Variants in ATP6V1E2 observed in about 807,000 individuals in gnomAD.
ATP6V1E2 encodes the protein V-type proton ATPase subunit E 2.
For synonymous variants in ATP6V1E2, 121 were observed against 104.2 expected, an observed-to-expected ratio of 1.16 and a Z score of -0.98; for missense variants, 308 against 273.3, an observed-to-expected ratio of 1.13 and a Z score of -0.90.
At chr2:46,537,287 T>C (rs1350891419) in intron 2 of ATP6V1E2, 1 of 152,214 alleles carries the variant, frequency 6.6e-6, no homozygotes, top group Non-Finnish European at 1.5e-5. Context: ...CCAATTAGGA[T>C]AGTCCCAACT....
chr2:46,523,427 G>A (rs1363316385), intron 4 of ATP6V1E2, among the ~76,000 whole-genome samples: 1 of 152,154 alleles, frequency 6.6e-6, no homozygotes, highest in East Asian at 1.9e-4. Context: ...GTGTAAGGAA[G>A]GGGTCCAGTT....
chr2:46,541,218 T>C (rs1667748125), intron 2 of ATP6V1E2, among the ~76,000 whole-genome samples, 172 bp downstream of exon 2: 1 of 152,228 alleles, frequency 6.6e-6, no homozygotes, highest in Non-Finnish European at 1.5e-5. Flanking sequence ...AACCAGGAAC[T>C]GACCTTAAGG....
chr2:46,531,619 G>T (rs1020809241), intron 4 of ATP6V1E2, among the ~76,000 whole-genome samples: 4 of 152,176 alleles, frequency 2.6e-5, no homozygotes, highest in African/African-American at 9.7e-5. Context: ...TTTTCCAGAG[G>T]TTGAACCATT....
At chr2:46,516,594 T>TA (rs1558656450) in intron 4 of ATP6V1E2, among the ~76,000 whole-genome samples, 1 of 152,068 alleles carries the variant, frequency 6.6e-6, no homozygotes, top group Non-Finnish European at 1.5e-5. Context: ...ACCCTATCTC[T>TA]AAAAAAAATT....
In ATP6V1E2 at chr2:46,535,080, C is replaced by T. The variant is rs1667380560; in HGVS notation, c.-102+733G>A. ...ACCACTATGCTCTGCTTGGGTTCCCCCTCATTGTGCTGCAATTTAGACAGC... is the reference window on the plus strand; with the variant it reads ...ACCACTATGCTCTGCTTGGGTTCCCTCTCATTGTGCTGCAATTTAGACAGC... On this transcript the variant is annotated intron_variant, in intron 4 of 4. Transcript: ENST00000522587. The surrounding 1 kb of genome is among the most constrained non-coding windows in gnomAD (Gnocchi z 4.4). 6.6e-6 allele frequency: 1 copy of T among 152,208 alleles called. No individual in the cohort carries two copies. The highest frequency in any genetic ancestry group is 2.4e-5 in the African/African-American group (1 of 41,442). The allele number at this position is 152,208 out of a possible 1,614,324, so 9.4% of individuals were successfully genotyped here.
chr2:46,540,406 G>C (rs1476504597), intron 2 of ATP6V1E2, among the ~76,000 whole-genome samples: 1 of 136,982 alleles, frequency 7.3e-6, no homozygotes, highest in Non-Finnish European at 1.5e-5. Context: ...GAGCGACAGA[G>C]TGACAGAGAG....
intron 4 of ATP6V1E2, among the ~76,000 whole-genome samples, chr2:46,533,373 A>G (rs1667284992): frequency 6.6e-6 from 1 of 152,078 alleles, no homozygotes; most frequent in African/African-American, 2.4e-5. Flanking sequence ...CCTGGGCTCA[A>G]GTGATCTTTC....
At position 46,511,974 on chromosome 2, in the gene ATP6V1E2, A is replaced by G; in HGVS notation, c.*57T>C. The G allele has an allele frequency of 7.4e-6, 11 of 1,493,832 alleles. No homozygotes were observed. The highest frequency in any genetic ancestry group is 9.8e-6 in the Non-Finnish European group (11 of 1,118,066). 92.5% of individuals were successfully genotyped at this position (1,493,832 alleles called of 1,614,324 possible). On this transcript the variant is annotated 3_prime_UTR_variant, in exon 5 of 5. Transcript: ENST00000522587. The stretch of plus-strand genomic sequence containing the variant: ...GAAACACTACTAGTTTCCTTTCCCC[A>G]AAAAACTTAAACTTTTATGGTTTAG...
At chr2:46,513,057 G>C (rs895339303) in intron 4 of ATP6V1E2, among the ~76,000 whole-genome samples, 2 of 152,168 alleles carry the variant, frequency 1.3e-5, no homozygotes, top group African/African-American at 4.8e-5. Context: ...ACCTAGTCCA[G>C]AAGTTCTCTA....
rs186431407 is a variant in ATP6V1E2, at chr2:46,514,022, G to A, written c.-101-1210C>T. 3.3e-5 allele frequency among the ~76,000 whole-genome samples: 5 copies of A among 152,218 alleles called. No homozygotes were observed. In the East Asian group the frequency reaches 9.7e-4, roughly 30 times the overall value. On this transcript the variant is annotated intron_variant, in intron 4 of 4. Transcript: ENST00000522587. ...GCTTTTAGTGTGGTGACTCATGCCT[G>A]TAATCCCAGCACTTTGGGAGGCCGA...
At chr2:46,518,953 T>C (rs1426402892) in intron 4 of ATP6V1E2, 1 of 152,232 alleles carries the variant, frequency 6.6e-6, no homozygotes, top group Admixed American at 6.5e-5. Context: ...ACCAGTCCCC[T>C]GCCAGGGGCC....
Position 46,512,168 on chromosome 2 carries a change from C to T in ATP6V1E2, c.544G>A (p.Glu182Lys). ...ATTCTCTGATTGCCACTGTAGACCT[C>T]CACACCTCCAGCTGCATTCACAGCC... The part of the protein sequence containing the change: ...YLAVNAAGGV[E>K]VYSGNQRIKV... The change falls in exon 5 of 5, where the codon GAG becomes AAG. Residue 182 changes from glutamate to lysine, a missense_variant. By Grantham distance (56) the Glu-to-Lys change is moderately conservative. Coordinates refer to ENST00000522587, the MANE Select transcript of ATP6V1E2 (RefSeq NM_001318063.2). The T allele has an allele frequency of 9.9e-6, 16 of 1,614,220 alleles. No individual in the cohort carries two copies. Among genetic ancestry groups the T allele is most frequent in the Non-Finnish European group, 1.4e-5 (16 of 1,180,032 alleles).
intron 4 of ATP6V1E2, among the ~76,000 whole-genome samples, chr2:46,527,069 CTTTCT>C (rs1384777336): frequency 6.6e-6 from 1 of 151,712 alleles, no homozygotes; most frequent in Non-Finnish European, 1.5e-5. Context: ...TGTTTTTTTT[CTTTCT>C]TTTGTGTCTT....
chr2:46,519,288 G>C (rs1046100697), intron 4 of ATP6V1E2: 1 of 152,186 alleles, frequency 6.6e-6, no homozygotes, highest in Non-Finnish European at 1.5e-5. Context: ...CAGCCAGTTT[G>C]CTAATTTACT....
At chr2:46,536,355 G>GT (rs1323623973) in intron 3 of ATP6V1E2, among the ~76,000 whole-genome samples, 4 of 152,218 alleles carry the variant, frequency 2.6e-5, no homozygotes, top group South Asian at 4.1e-4. Flanking sequence ...TTGCTGTGGT[G>GT]TTTAACTCAT....
rs1667151542 is a variant in ATP6V1E2, at chr2:46,530,913, C to A, written c.-102+4900G>T. Among the ~76,000 whole-genome samples, 1 of 152,236 alleles carries A rather than the reference C, an allele frequency of 6.6e-6. No homozygotes were observed. Among genetic ancestry groups the A allele is most frequent in the Non-Finnish European group, 1.5e-5 (1 of 68,040 alleles). ...AAGCCCATGATTCAGTTACTTCCCACCGGGCCCCTCCCGTGGCACGTGGGA... is the reference window on the plus strand; with the variant it reads ...AAGCCCATGATTCAGTTACTTCCCAACGGGCCCCTCCCGTGGCACGTGGGA... On this transcript the variant is annotated intron_variant, in intron 4 of 4. Coordinates refer to ENST00000522587, the MANE Select transcript of ATP6V1E2 (RefSeq NM_001318063.2). The surrounding 1 kb of genome is among the most constrained non-coding windows in gnomAD (Gnocchi z 5.2).
At chr2:46,524,702 T>C (rs1251808763) in intron 4 of ATP6V1E2, among the ~76,000 whole-genome samples, 3 of 151,972 alleles carry the variant, frequency 2.0e-5, no homozygotes, top group Non-Finnish European at 4.4e-5. Context: ...AGATGGACCG[T>C]CATCATAAGC....
chr2:46,527,655 C>T (rs545698791), intron 4 of ATP6V1E2, among the ~76,000 whole-genome samples: 1 of 152,310 alleles, frequency 6.6e-6, no homozygotes, highest in South Asian at 2.1e-4. Flanking sequence ...TGTGAGCCAC[C>T]ACGCCTGGTC....
intron 4 of ATP6V1E2, among the ~76,000 whole-genome samples, chr2:46,533,422 G>T (rs973189422): frequency 2.0e-5 from 3 of 152,036 alleles, no homozygotes; most frequent in Non-Finnish European, 2.9e-5. Context: ...ATAGGAGTGT[G>T]CCACCACACC....
Sources: allele counts gnomAD v4.1 joint callset (sites outside exome capture counted in the v4.1 genomes callset), GRCh38; gene constraint gnomAD v4.1.1; non-coding constraint Gnocchi (gnomAD v3.1); transcripts MANE v1.5; gene names NCBI Gene and HGNC (gene_info 2026-07-23, HGNC 2026-07-21).